SDC2: variants seen among roughly 807,000 people sequenced by gnomAD.
The protein encoded by SDC2 is syndecan 2.
A neutral mutation model predicts 22.2 loss-of-function variants in SDC2; 13 were observed. The observed-to-expected ratio is 0.59, with a 90% CI of 0.38 to 0.93. The LOEUF is 0.93. Among genes scored for constraint, SDC2 ranks in the 40% least tolerant of loss-of-function variants. SDC2 has a pLI of 0.00. For missense variants in SDC2, 235 were observed against 246.8 expected, an observed-to-expected ratio of 0.95 and a Z score of 0.32; for synonymous variants, 94 against 92.8, an observed-to-expected ratio of 1.01 and a Z score of -0.07.
intron 1 of SDC2, among the ~76,000 whole-genome samples, chr8:96,548,784 T>G (rs1813977059): frequency 6.6e-6 from 1 of 152,244 alleles, no homozygotes; most frequent in South Asian, 2.1e-4. Context: ...ACATTGAGCG[T>G]CTGCTTTGCA....
chr8:96,576,150 A>T (rs1814485795), intron 1 of SDC2, among the ~76,000 whole-genome samples: 1 of 152,052 alleles, frequency 6.6e-6, no homozygotes, highest in South Asian at 2.1e-4. Context: ...ACAGGCTAGT[A>T]TAATTTTTAG....
intron 1 of SDC2, among the ~76,000 whole-genome samples, chr8:96,555,652 T>G (rs1261498030): frequency 6.6e-6 from 1 of 152,222 alleles, no homozygotes; most frequent in Non-Finnish European, 1.5e-5. Flanking sequence ...TTAAAATCTT[T>G]CCCTTTGATG....
At position 96,575,285 on chromosome 8, in the gene SDC2, G is replaced by A. The variant is rs543372681; in HGVS notation, c.61-18195G>A. ...TTCAGTGCTCAGATACACAGGTAAC[G>A]AATGAAAAAACCTGAAAGAATTGTG... On this transcript the variant is annotated intron_variant, in intron 1 of 4. Transcript: ENST00000302190. 1.3e-4 allele frequency among the ~76,000 whole-genome samples: 19 copies of A among 146,814 alleles called. No homozygotes were observed. The East Asian group carries it at 3.1e-3, about 24-fold the overall frequency.
chr8:96,530,737 A>G (rs757304187), intron 1 of SDC2, among the ~76,000 whole-genome samples: 13 of 152,254 alleles, frequency 8.5e-5, no homozygotes, highest in Non-Finnish European at 1.8e-4. Context: ...GAGCATAGAT[A>G]ACAAATGAAG....
chr8:96,598,589 G>T (rs1814921714), intron 2 of SDC2, among the ~76,000 whole-genome samples: 1 of 152,166 alleles, frequency 6.6e-6, no homozygotes, highest in Admixed American at 6.5e-5. Flanking sequence ...TTGCACTCCA[G>T]TCTGGGTGAC....
intron 3 of SDC2, among the ~76,000 whole-genome samples, chr8:96,607,099 A>G (rs907758600): frequency 6.6e-6 from 1 of 152,180 alleles, no homozygotes; most frequent in African/African-American, 2.4e-5. Flanking sequence ...CTGAGGTGGA[A>G]TAGTTTCATC....
intron 1 of SDC2, among the ~76,000 whole-genome samples, chr8:96,587,312 A>G (rs909950888): frequency 3.3e-5 from 5 of 152,078 alleles, no homozygotes; most frequent in South Asian, 2.1e-4. Context: ...GCTTTTTTCC[A>G]TGGATGGTTT....
chr8:96,529,842 C>CT (rs5893390), intron 1 of SDC2, among the ~76,000 whole-genome samples: 34,707 of 151,972 alleles, frequency 0.23, 4,834 homozygotes, highest in African/African-American at 0.4. Context: ...TTAGAAGTTC[C>CT]GGTGCCCACT....
intron 1 of SDC2, among the ~76,000 whole-genome samples, chr8:96,517,732 T>C (rs1340310814): frequency 1.4e-5 from 2 of 144,500 alleles, no homozygotes; most frequent in Non-Finnish European, 3.0e-5. Context: ...TTTGTATGTA[T>C]ATATGTGTGT....
chr8:96,550,641 T>C lies in SDC2; in HGVS notation c.61-42839T>C, dbSNP rs576705553. ...GCTCAACACACAGACCTCAGGGCCCTGGGGAAATAACTTAGGCAGCCCAAA... is the reference window on the plus strand; with the variant it reads ...GCTCAACACACAGACCTCAGGGCCCCGGGGAAATAACTTAGGCAGCCCAAA... On this transcript the variant is annotated intron_variant, in intron 1 of 4. Transcript: ENST00000302190. Among the ~76,000 whole-genome samples the C allele has an allele frequency of 2.0e-5, 3 of 152,274 alleles. No homozygotes were observed. The East Asian group carries it at 5.8e-4, about 29-fold the overall frequency.
chr8:96,499,770 T>TC (rs1563638335), intron 1 of SDC2, among the ~76,000 whole-genome samples: 1 of 151,934 alleles, frequency 6.6e-6, no homozygotes, highest in Non-Finnish European at 1.5e-5. Flanking sequence ...GCCTTTTTTT[T>TC]TTTGGCAATG....
intron 4 of SDC2, among the ~76,000 whole-genome samples, chr8:96,608,687 G>A (rs2130666386): frequency 6.6e-6 from 1 of 152,332 alleles, no homozygotes; most frequent in Non-Finnish European, 1.5e-5. Context: ...CATCGGGCAG[G>A]GGATAGGAGG....
At chr8:96,595,287 A>G (rs2250503) in intron 2 of SDC2, among the ~76,000 whole-genome samples, 47,645 of 152,002 alleles carry the variant, frequency 0.31, 7,890 homozygotes, top group East Asian at 0.59. Flanking sequence ...AAATCTAGCC[A>G]TGTAAGAGTG....
At chr8:96,609,153 T>C (rs1031010616) in intron 4 of SDC2, among the ~76,000 whole-genome samples, 3 of 152,208 alleles carry the variant, frequency 2.0e-5, no homozygotes, top group Non-Finnish European at 4.4e-5. Context: ...ATTTTTCTTA[T>C]CGAGGTTTTT....
At chr8:96,552,075 A>G (rs972201521) in intron 1 of SDC2, among the ~76,000 whole-genome samples, 4 of 152,178 alleles carry the variant, frequency 2.6e-5, no homozygotes, top group African/African-American at 9.7e-5. Flanking sequence ...AGAACCAGCC[A>G]CACATTGGTG....
chr8:96,528,826 A>G (rs2589210), intron 1 of SDC2, among the ~76,000 whole-genome samples: 34,838 of 152,164 alleles, frequency 0.23, 4,892 homozygotes, highest in African/African-American at 0.4. Flanking sequence ...ATATCCCAGA[A>G]GAAGACCATA....
At chr8:96,512,983 T>C (rs1813350696) in intron 1 of SDC2, among the ~76,000 whole-genome samples, 1 of 151,166 alleles carries the variant, frequency 6.6e-6, no homozygotes, top group Admixed American at 6.6e-5. Flanking sequence ...TTTGTTTTCT[T>C]AGTATGTTTT....
intron 1 of SDC2, among the ~76,000 whole-genome samples, chr8:96,587,457 TCAAGGG>T (rs2130620931): frequency 6.6e-6 from 1 of 152,338 alleles, no homozygotes; most frequent in Non-Finnish European, 1.5e-5. Context: ...TCTAACATAT[TCAAGGG>T]CAAGATCATC....
At chr8:96,598,355 G>T (rs1030267122) in intron 2 of SDC2, among the ~76,000 whole-genome samples, 1 of 152,104 alleles carries the variant, frequency 6.6e-6, no homozygotes, top group Non-Finnish European at 1.5e-5. Context: ...GGTGTGGTGG[G>T]TTACGCCTGT....
Sources: gnomAD v4.1 joint callset for allele counts (sites outside exome capture counted in the v4.1 genomes callset) on GRCh38, gnomAD v4.1.1 for gene constraint, MANE v1.5 for transcripts, NCBI Gene and HGNC (gene_info 2026-07-23, HGNC 2026-07-21) for gene names.